The following ABCA1 variants were observed in gnomAD, a reference collection of about 807,000 sequenced individuals.
The protein encoded by ABCA1 is ATP binding cassette subfamily A member 1, also known as phospholipid-transporting ATPase ABCA1.
A neutral mutation model predicts 262.5 loss-of-function variants in ABCA1; 133 were observed. The observed-to-expected ratio is 0.51, with a 90% CI of 0.44 to 0.59. ABCA1 has a LOEUF of 0.59. ABCA1 is among the 20% of genes least tolerant of loss of function. ABCA1 has a pLI of 0.00. For synonymous variants in ABCA1, 1,022 were observed against 1,043.5 expected (o/e 0.98, Z 0.40); for missense variants, 2,452 against 2,777.5 (o/e 0.88, Z 2.63).
At chr9:104,824,792 G>C (rs1338131093) in intron 17 of ABCA1, among the ~76,000 whole-genome samples, 2 of 152,200 alleles carry the variant, frequency 1.3e-5, no homozygotes. Flanking sequence ...CACGGGGCAG[G>C]TGCCATCCCC....
In ABCA1 at chr9:104,817,077, ATT is replaced by A. The variant is rs1290087865; in HGVS notation, c.3535+253_3535+254del. 2.3e-6 allele frequency: 1 copy of A among 428,116 alleles called. No homozygotes were observed. Among genetic ancestry groups the A allele is most frequent in the Non-Finnish European group, 3.1e-6 (1 of 320,682 alleles). The allele number at this position is 428,116 out of a possible 1,614,324, so 26.5% of individuals were successfully genotyped here. The stretch of plus-strand genomic sequence containing the variant: ...TATTCAGTGTCCACTCCCCTAAGGG[ATT>A]CCCCAAACCCCAATCATCTCAGCTC... On this transcript the variant is annotated intron_variant, in intron 24 of 49. Transcript: ENST00000374736. This position sits in a 1 kb window ranked among gnomAD's most constrained non-coding sequence, Gnocchi z 4.7.
intron 15 of ABCA1, 109 bp from the exon 16 acceptor site, chr9:104,827,278 T>C: frequency 1.1e-6 from 1 of 901,624 alleles, no homozygotes; most frequent in Non-Finnish European, 1.8e-6. Context: ...TTAGAGACAA[T>C]GCAGAGGCGT....
At chr9:104,885,963 G>A (rs1839133062) in intron 3 of ABCA1, among the ~76,000 whole-genome samples, 2 of 152,300 alleles carry the variant, frequency 1.3e-5, no homozygotes, top group South Asian at 4.1e-4. Context: ...AGTGACTTTA[G>A]CCAAGTCATT....
chr9:104,833,336 C>T (rs1833516811), intron 11 of ABCA1, among the ~76,000 whole-genome samples: 1 of 152,098 alleles, frequency 6.6e-6, no homozygotes, highest in Non-Finnish European at 1.5e-5. Context: ...TGCACACCAC[C>T]ACACCTGGCT....
chr9:104,798,727 G>T, intron 36 of ABCA1, 129 bp from the exon 37 acceptor site: 1 of 800,832 alleles, frequency 1.2e-6, no homozygotes. Flanking sequence ...ACAGCCCAAG[G>T]AAAAACATCT....
At position 104,926,474 on chromosome 9, in the gene ABCA1, A is replaced by AC. The variant is rs201952658; in HGVS notation, c.-93+1460_-93+1461insG. Among the ~76,000 whole-genome samples the AC allele has an allele frequency of 9.6e-4, 137 of 143,206 alleles. 3 individuals carry two copies. Among genetic ancestry groups the AC allele is most frequent in the Non-Finnish European group, 1.1e-3 (68 of 62,690 alleles). 93.9% of individuals were successfully genotyped at this position (143,206 alleles called of 152,430 possible). Reference sequence around the variant, plus strand: ...CAAAAAAAAAAACCAAAAAAACAAAAAAAAAAAAACAAAACGGGCTTTCGC... The same window carrying AC: ...CAAAAAAAAAAACCAAAAAAACAAAACAAAAAAAAACAAAACGGGCTTTCGC... On this transcript the variant is annotated intron_variant, in intron 1 of 49. Transcript: ENST00000374736.
At chr9:104,849,779 A>T (rs1835213609) in intron 7 of ABCA1, among the ~76,000 whole-genome samples, 1 of 152,252 alleles carries the variant, frequency 6.6e-6, no homozygotes, top group South Asian at 2.1e-4. Flanking sequence ...GATTTTTAAA[A>T]GTTTAGTATA....
At chr9:104,825,188 A>T (rs1488195743) in intron 17 of ABCA1, among the ~76,000 whole-genome samples, 1 of 152,214 alleles carries the variant, frequency 6.6e-6, no homozygotes, top group East Asian at 1.9e-4. Context: ...AACAACCTGT[A>T]CTCAGGAAAC....
rs763225461 is a variant in ABCA1, at chr9:104,828,922, G to A, written c.2109C>T (p.Ile703=). Residue 703 remains isoleucine (I), a synonymous_variant, in exon 15 of 50, where the codon ATC becomes ATT. Coordinates refer to ENST00000374736, the MANE Select transcript of ABCA1 (RefSeq NM_005502.4). ...LLVSAGLLVV[I]LKLGNLLPYS... ...GCGAGTGAGGCTGCCTTACCTTCAGGATGACCACTAGCAGGCCAGCGCTCA... is the reference window on the plus strand; with the variant it reads ...GCGAGTGAGGCTGCCTTACCTTCAGAATGACCACTAGCAGGCCAGCGCTCA... 5 of 1,613,954 alleles carry A rather than the reference G, an allele frequency of 3.1e-6. No homozygotes were observed. In the African/African-American group the frequency reaches 5.3e-5, roughly 17 times the overall value.
intron 28 of ABCA1, 110 bp downstream of exon 28, chr9:104,812,464 C>G: frequency 7.1e-7 from 1 of 1,405,230 alleles, no homozygotes. Flanking sequence ...ACAGATAAAT[C>G]TGGCTCCGGC....
In ABCA1 at chr9:104,799,960, G is replaced by A. The variant is rs776829326; in HGVS notation, c.4802C>T (p.Ala1601Val). 1 of 1,614,156 alleles carries A rather than the reference G, an allele frequency of 6.2e-7. No homozygotes were observed. The highest frequency in any genetic ancestry group is 8.5e-7 in the Non-Finnish European group (1 of 1,180,022). The part of the protein sequence containing the change: ...KVWFNNKGWH[A>V]ISSFLNVINN... ...GATGACATTCAGGAAAGAGCTGATT[G>A]CATGCCAGCCCTTGTTATTGAACCA... Residue 1601 changes from alanine to valine, a missense_variant, in exon 36 of 50, where the codon GCA (alanine) becomes GTA (valine). Ala to Val is a moderately conservative substitution (Grantham distance 64). Coordinates refer to ENST00000374736, the MANE Select transcript of ABCA1 (RefSeq NM_005502.4).
chr9:104,818,037 TG>T (rs1831933952), intron 23 of ABCA1, among the ~76,000 whole-genome samples: 1 of 152,174 alleles, frequency 6.6e-6, no homozygotes, highest in East Asian at 1.9e-4. Flanking sequence ...GTCCCACCAC[TG>T]TTATTTACCT....
intron 5 of ABCA1, among the ~76,000 whole-genome samples, chr9:104,872,918 T>C (rs948273954): frequency 6.6e-5 from 10 of 152,268 alleles, no homozygotes; most frequent in African/African-American, 2.4e-4. Context: ...GTGTTTTCTA[T>C]TCTTGTCTGA....
intron 1 of ABCA1, among the ~76,000 whole-genome samples, chr9:104,907,796 G>A (rs892120547): frequency 6.6e-6 from 1 of 152,200 alleles, no homozygotes; most frequent in Non-Finnish European, 1.5e-5. Context: ...CCATGCAGTC[G>A]ACTTCCCGCC....
Position 104,870,439 on chromosome 9 carries a change from G to A in ABCA1, c.422-8639C>T, listed in dbSNP as rs547285628. On this transcript the variant is annotated intron_variant, in intron 5 of 49. Transcript: ENST00000374736. ...GCCACTCCAGAATCAGTCAGCACTGGAATCAGGGGTGGAACGAGACATTAC... is the reference window on the plus strand; with the variant it reads ...GCCACTCCAGAATCAGTCAGCACTGAAATCAGGGGTGGAACGAGACATTAC... 4.6e-5 allele frequency among the ~76,000 whole-genome samples: 7 copies of A among 152,332 alleles called. No individual in the cohort carries two copies. In the East Asian group the frequency reaches 9.6e-4, roughly 21 times the overall value.
At chr9:104,900,872 A>G (rs1221664140) in intron 2 of ABCA1, among the ~76,000 whole-genome samples, 1 of 152,246 alleles carries the variant, frequency 6.6e-6, no homozygotes, top group East Asian at 1.9e-4. Context: ...GAAATCAGGA[A>G]GAGAGTTAAG....
chr9:104,784,041 T>A lies in ABCA1; in HGVS notation c.*274A>T. Reference sequence around the variant, plus strand: ...GTTCAAACCCATATGTCCATTGGGTTCCATAATAGAGTTTCACATAGGTAT... The same window carrying A: ...GTTCAAACCCATATGTCCATTGGGTACCATAATAGAGTTTCACATAGGTAT... On this transcript the variant is annotated 3_prime_UTR_variant, in exon 50 of 50. Transcript: ENST00000374736. 1 of 403,360 alleles carries A rather than the reference T, an allele frequency of 2.5e-6. No individual in the cohort carries two copies. 25.0% of individuals were successfully genotyped at this position (403,360 alleles called of 1,614,324 possible).
intron 5 of ABCA1, among the ~76,000 whole-genome samples, chr9:104,881,080 C>CA (rs1838606587): frequency 6.6e-6 from 1 of 152,106 alleles, no homozygotes; most frequent in Admixed American, 6.5e-5. Flanking sequence ...ACCCAGGAGG[C>CA]AGAGGCTGCA....
intron 1 of ABCA1, 127 bp from the exon 2 acceptor site, chr9:104,903,898 C>G: frequency 1.7e-6 from 1 of 604,330 alleles, no homozygotes; most frequent in East Asian, 2.8e-5. Context: ...ATGACTGCTT[C>G]TCAATGGATC....
Sources: gnomAD v4.1 joint callset for allele counts (sites outside exome capture counted in the v4.1 genomes callset) on GRCh38, gnomAD v4.1.1 for gene constraint, Gnocchi (gnomAD v3.1) non-coding constraint, MANE v1.5 for transcripts, NCBI Gene and HGNC (gene_info 2026-07-23, HGNC 2026-07-21) for gene names.